LINGO2: variants seen among roughly 807,000 people sequenced by gnomAD.
LINGO2 encodes leucine rich repeat and Ig domain containing 2.
LINGO2 carries 14 observed loss-of-function variants against 30.6 expected under a neutral mutation model. The ratio of observed to expected loss-of-function variants is 0.46; its 90% CI spans 0.30 to 0.72. The LOEUF (loss-of-function observed/expected upper bound fraction) is 0.72. Among genes scored for constraint, LINGO2 ranks in the 30% least tolerant of loss-of-function variants. The pLI, the probability that LINGO2 is intolerant of heterozygous loss-of-function variation, is 0.07. For synonymous variants in LINGO2, 317 were observed against 288.5 expected (o/e 1.10, Z -1.00); for missense variants, 729 against 751.7 (o/e 0.97, Z 0.35).
chr9:27,982,918 A>G (rs1304005130), intron 5 of LINGO2, among the ~76,000 whole-genome samples: 2 of 151,768 alleles, frequency 1.3e-5, no homozygotes, highest in African/African-American at 4.8e-5. Context: ...ACGAACTGTA[A>G]AGTGCTACAT....
At chr9:28,471,135 T>C (rs1189764233) in intron 2 of LINGO2, among the ~76,000 whole-genome samples, 1 of 152,138 alleles carries the variant, frequency 6.6e-6, no homozygotes, top group Non-Finnish European at 1.5e-5. Flanking sequence ...GGTATACCAA[T>C]GCCATCTGTC....
chr9:29,144,126 T>C, the LINGO2 span, among the ~76,000 whole-genome samples: 2 of 152,164 alleles, frequency 1.3e-5, no homozygotes, highest in Non-Finnish European at 2.9e-5. Flanking sequence ...CATCGGTTTA[T>C]GTGTTTGTTC....
intron 1 of LINGO2, among the ~76,000 whole-genome samples, chr9:28,476,288 T>C (rs903694891): frequency 6.6e-6 from 1 of 152,188 alleles, no homozygotes; most frequent in African/African-American, 2.4e-5. Context: ...TTTATTTATT[T>C]ATTTTGAGAC....
At chr9:27,964,943 A>G (rs1327019787) in intron 5 of LINGO2, among the ~76,000 whole-genome samples, 4 of 152,086 alleles carry the variant, frequency 2.6e-5, no homozygotes, top group Non-Finnish European at 5.9e-5. Context: ...ACGGCATGGA[A>G]AAAACTCATT....
intron 3 of LINGO2, among the ~76,000 whole-genome samples, chr9:28,309,523 G>A (rs906881096): frequency 1.3e-5 from 2 of 151,556 alleles, no homozygotes; most frequent in Non-Finnish European, 2.9e-5. Context: ...CATGGCACAT[G>A]TATACATATA....
the LINGO2 span, among the ~76,000 whole-genome samples, chr9:28,910,656 G>T: frequency 6.6e-6 from 1 of 151,996 alleles, no homozygotes. Context: ...ATGTGAAGAT[G>T]TGCTTGCTTC....
intron 1 of LINGO2, among the ~76,000 whole-genome samples, chr9:28,638,766 A>T (rs1397598372): frequency 6.6e-6 from 1 of 152,036 alleles, no homozygotes; most frequent in African/African-American, 2.4e-5. Flanking sequence ...TTTTCAAAAA[A>T]CCAGCTCCTG....
At chr9:28,653,577 C>G (rs901072059) in intron 1 of LINGO2, among the ~76,000 whole-genome samples, 22 of 152,122 alleles carry the variant, frequency 1.4e-4, no homozygotes, top group Admixed American at 9.2e-4. Context: ...GTTTTCATGA[C>G]TTATTTCCCT....
At chr9:28,673,243 C>T (rs1829089091), upstream of LINGO2, among the ~76,000 whole-genome samples, 1 of 152,108 alleles carries the variant, frequency 6.6e-6, no homozygotes, top group African/African-American at 2.4e-5. Context: ...GATGGGGCAT[C>T]ACATTCTGTA....
chr9:29,063,494 C>T, the LINGO2 span, among the ~76,000 whole-genome samples: 1 of 151,798 alleles, frequency 6.6e-6, no homozygotes, highest in Non-Finnish European at 1.5e-5. Context: ...CCTCTGCCTC[C>T]CAGGTTTGAG....
intron 4 of LINGO2, among the ~76,000 whole-genome samples, chr9:28,199,351 T>TCCTCCTCCTCCTCCTCCTCCTCCTCCTCC (rs1290385489): frequency 6.7e-6 from 1 of 149,852 alleles, no homozygotes; most frequent in African/African-American, 2.4e-5. Flanking sequence ...CTTCTTTTTT[T>TCCTCCTCCTCCTCCTCCTCCTCCTCCTCC]TTTTTTGAGA....
intron 4 of LINGO2, among the ~76,000 whole-genome samples, chr9:28,184,714 C>T (rs75306774): frequency 4.7e-4 from 71 of 152,096 alleles, no homozygotes; most frequent in African/African-American, 1.6e-3. Flanking sequence ...AGAAAGTATA[C>T]AGACATTTAT....
At chr9:29,108,842 T>G in the LINGO2 span, among the ~76,000 whole-genome samples, 1 of 152,150 alleles carries the variant, frequency 6.6e-6, no homozygotes. Flanking sequence ...GTGACATGAA[T>G]AAAAGCAAAT....
At chr9:28,611,813 TTTTA>T (rs1167584039) in intron 1 of LINGO2, among the ~76,000 whole-genome samples, 3 of 145,850 alleles carry the variant, frequency 2.1e-5, no homozygotes, top group Non-Finnish European at 2.9e-5. Flanking sequence ...ATTTATTTTA[TTTTA>T]TTTATTTATT....
At chr9:29,186,583 T>C in the LINGO2 span, among the ~76,000 whole-genome samples, 1 of 152,142 alleles carries the variant, frequency 6.6e-6, no homozygotes, top group African/African-American at 2.4e-5. Context: ...ATCAGAATAA[T>C]ACTTCTAAAA....
At chr9:28,182,027 C>T (rs545370110) in intron 4 of LINGO2, among the ~76,000 whole-genome samples, 3 of 151,996 alleles carry the variant, frequency 2.0e-5, no homozygotes, top group Admixed American at 6.6e-5. Flanking sequence ...AAAAAAAGAA[C>T]AAAGCTGGAG....
chr9:28,084,993 G>C (rs973261455), intron 4 of LINGO2, among the ~76,000 whole-genome samples: 1 of 152,082 alleles, frequency 6.6e-6, no homozygotes, highest in African/African-American at 2.4e-5. Context: ...TACTCTATGA[G>C]CATTTTACAC....
chr9:29,129,316 T>C, the LINGO2 span, among the ~76,000 whole-genome samples: 3 of 152,122 alleles, frequency 2.0e-5, no homozygotes, highest in East Asian at 5.8e-4. Context: ...CCAAAAGTAA[T>C]CTAGATAAAC....
chr9:29,151,405 A>C, the LINGO2 span, among the ~76,000 whole-genome samples: 3 of 152,224 alleles, frequency 2.0e-5, no homozygotes, highest in African/African-American at 7.2e-5. Flanking sequence ...TTATATCAAT[A>C]CTAAAACTGA....
Sources: allele counts gnomAD v4.1 joint callset (sites outside exome capture counted in the v4.1 genomes callset), GRCh38; gene constraint gnomAD v4.1.1; transcripts MANE v1.5; gene names NCBI Gene and HGNC (gene_info 2026-07-23, HGNC 2026-07-21).